The following PXDNL variants were observed in gnomAD, a reference collection of about 807,000 sequenced individuals.
PXDNL encodes peroxidasin like, also known as probable oxidoreductase PXDNL.
Under a neutral mutation model 150.8 loss-of-function variants are expected in PXDNL, and 145 were observed. The observed-to-expected ratio is 0.96, with a 90% CI of 0.84 to 1.10. The LOEUF is 1.10. Among genes scored for constraint, PXDNL ranks in the 50% least tolerant of loss-of-function variants. PXDNL has a pLI of 0.00. For missense variants in PXDNL, 2,087 were observed against 1,873.9 expected, an observed-to-expected ratio of 1.11 and a Z score of -2.10; for synonymous variants, 757 against 725.7, an observed-to-expected ratio of 1.04 and a Z score of -0.69.
At chr8:51,643,465 G>A (rs933345068) in intron 2 of PXDNL, among the ~76,000 whole-genome samples, 6 of 152,164 alleles carry the variant, frequency 3.9e-5, no homozygotes, top group African/African-American at 1.4e-4. Context: ...TTTAATAAAT[G>A]GTGTTGGGAA....
At chr8:51,558,723 A>T (rs1453724273) in intron 3 of PXDNL, among the ~76,000 whole-genome samples, 2 of 152,080 alleles carry the variant, frequency 1.3e-5, no homozygotes, top group Non-Finnish European at 2.9e-5. Context: ...GTAGGGGGAA[A>T]AGAGCAGAAC....
At position 51,611,489 on chromosome 8, in the gene PXDNL, G is replaced by C. The variant is rs1813999653; in HGVS notation, c.237-18791C>G. On this transcript the variant is annotated intron_variant, in intron 2 of 22. Coordinates refer to ENST00000356297, the MANE Select transcript of PXDNL (RefSeq NM_144651.5). ...TGATTAAACACTTTTTTGTGTAATT[G>C]ACTGTTTTCAAAGTTATGTGACAAA... is the stretch of plus-strand genomic sequence containing the variant. 2.0e-5 allele frequency among the ~76,000 whole-genome samples: 3 copies of C among 152,040 alleles called. No homozygotes were observed. The South Asian group carries it at 6.2e-4, about 32-fold the overall frequency.
chr8:51,350,988 G>C (rs1288897822), intron 19 of PXDNL, among the ~76,000 whole-genome samples: 3 of 152,140 alleles, frequency 2.0e-5, no homozygotes, highest in African/African-American at 7.2e-5. Context: ...TTTAGATGAT[G>C]TTTCACCTCA....
chr8:51,778,234 G>A (rs770650116), intron 1 of PXDNL, among the ~76,000 whole-genome samples: 20 of 151,450 alleles, frequency 1.3e-4, no homozygotes, highest in East Asian at 2.0e-4. Context: ...AGCCGAGATC[G>A]CGCCACTTGC....
At chr8:51,753,035 C>A (rs1425818580) in intron 1 of PXDNL, among the ~76,000 whole-genome samples, 1 of 152,198 alleles carries the variant, frequency 6.6e-6, no homozygotes, top group Non-Finnish European at 1.5e-5. Context: ...CGGTGCCATT[C>A]GTCCTGCACA....
chr8:51,541,895 G>A (rs1290617437), intron 4 of PXDNL, among the ~76,000 whole-genome samples: 2 of 152,042 alleles, frequency 1.3e-5, no homozygotes, highest in South Asian at 2.1e-4. Flanking sequence ...CATTTTCTAC[G>A]AGTTTTTTTA....
At chr8:51,725,963 G>A (rs4477010) in intron 1 of PXDNL, among the ~76,000 whole-genome samples, 148,099 of 152,342 alleles carry the variant, frequency 0.97, 72,123 homozygotes, top group East Asian at 1. Context: ...TGGTTCAGTC[G>A]TTAATTATTG....
chr8:51,368,133 C>A (rs1197151547), intron 19 of PXDNL, among the ~76,000 whole-genome samples: 5 of 148,448 alleles, frequency 3.4e-5, no homozygotes, highest in African/African-American at 1.3e-4. Flanking sequence ...AACTCCATCT[C>A]AAAACAAAAC....
At chr8:51,600,104 T>C (rs528255355) in intron 2 of PXDNL, among the ~76,000 whole-genome samples, 3 of 142,514 alleles carry the variant, frequency 2.1e-5, no homozygotes, top group South Asian at 2.3e-4. Flanking sequence ...TAATAAATTA[T>C]ATCATATAAA....
chr8:51,433,914 T>C (rs1203505028), intron 12 of PXDNL, among the ~76,000 whole-genome samples: 1 of 152,162 alleles, frequency 6.6e-6, no homozygotes, highest in Non-Finnish European at 1.5e-5. Flanking sequence ...CCTTAATGAT[T>C]ACAATTATTA....
At chr8:51,735,722 A>G (rs1383046605) in intron 1 of PXDNL, among the ~76,000 whole-genome samples, 1 of 147,770 alleles carries the variant, frequency 6.8e-6, no homozygotes, top group Non-Finnish European at 1.5e-5. Flanking sequence ...AATTTTTTGT[A>G]TTTTTAGTAG....
At chr8:51,366,161 G>A (rs1302781159) in intron 19 of PXDNL, among the ~76,000 whole-genome samples, 1 of 152,204 alleles carries the variant, frequency 6.6e-6, no homozygotes, top group African/African-American at 2.4e-5. Flanking sequence ...GCCCAAAGCT[G>A]CCTCCTTACA....
chr8:51,438,721 A>T (rs997176596), intron 12 of PXDNL, among the ~76,000 whole-genome samples: 2 of 152,206 alleles, frequency 1.3e-5, no homozygotes, highest in Admixed American at 6.5e-5. Flanking sequence ...TCAAAAAAAA[A>T]TGGCACATAA....
chr8:51,574,584 A>C (rs540101467), intron 3 of PXDNL, among the ~76,000 whole-genome samples: 34 of 152,178 alleles, frequency 2.2e-4, no homozygotes, highest in African/African-American at 7.9e-4. Flanking sequence ...AGTGAGCCCT[A>C]AACAGGGTAA....
intron 4 of PXDNL, among the ~76,000 whole-genome samples, chr8:51,508,953 T>C (rs1811349391): frequency 6.6e-6 from 1 of 152,164 alleles, no homozygotes; most frequent in African/African-American, 2.4e-5. Flanking sequence ...AAGTGGTTGG[T>C]TGTAAAAGAG....
intron 1 of PXDNL, among the ~76,000 whole-genome samples, chr8:51,736,334 C>T (rs1189018656): frequency 6.6e-6 from 1 of 152,096 alleles, no homozygotes; most frequent in African/African-American, 2.4e-5. Flanking sequence ...AATTATCAGG[C>T]CCAGAGAGGC....
chr8:51,604,142 T>G lies in PXDNL; in HGVS notation c.237-11444A>C, dbSNP rs185096691. The stretch of plus-strand genomic sequence containing the variant: ...AATACCATTTGACCCAGCCATCCCA[T>G]TACTGGGTATATACCCAAAGGATTA... On this transcript the variant is annotated intron_variant, in intron 2 of 22. Transcript: ENST00000356297. Among the ~76,000 whole-genome samples, 1,461 of 152,300 alleles carry G rather than the reference T, an allele frequency of 9.6e-3. 9 individuals carry two copies. Among genetic ancestry groups the G allele is most frequent in the South Asian group, 0.025 (123 of 4,826 alleles).
intron 3 of PXDNL, among the ~76,000 whole-genome samples, chr8:51,573,764 A>G (rs1298536009): frequency 1.3e-5 from 2 of 152,022 alleles, no homozygotes; most frequent in Non-Finnish European, 2.9e-5. Flanking sequence ...ACCCAAAAAT[A>G]TAATGTCAAA....
chr8:51,409,071 G>T lies in PXDNL; in HGVS notation c.2553C>A (p.Asp851Glu), dbSNP rs1407349685. The change falls in exon 17 of 23, where the codon GAC becomes GAA. Residue 851 changes from aspartate (D) to glutamate (E), a missense_variant. Physicochemically the swap from Asp to Glu is conservative, Grantham distance 45. Coordinates refer to ENST00000356297, the MANE Select transcript of PXDNL (RefSeq NM_144651.5). ...TGCAGGGCGCGTGGGTGCCCCGGGGGTCGGCGTGCCGGGTGTTCATGGGGA... is the reference window on the plus strand; with the variant it reads ...TGCAGGGCGCGTGGGTGCCCCGGGGTTCGGCGTGCCGGGTGTTCATGGGGA... ...PCFPMNTRHA[D>E]PRGTHAPCML... 1 of 1,609,682 alleles carries T rather than the reference G, an allele frequency of 6.2e-7. No individual in the cohort carries two copies. The highest frequency in any genetic ancestry group is 1.7e-5 in the Admixed American group (1 of 59,958).
Sources: gnomAD v4.1 joint callset for allele counts (sites outside exome capture counted in the v4.1 genomes callset) on GRCh38, gnomAD v4.1.1 for gene constraint, MANE v1.5 for transcripts, NCBI Gene and HGNC (gene_info 2026-07-23, HGNC 2026-07-21) for gene names.